The following CA10 variants were observed in gnomAD, a reference collection of about 807,000 sequenced individuals.
CA10 encodes the protein carbonic anhydrase 10 (inactive).
In CA10, 14 loss-of-function variants were observed where a neutral mutation model predicts 44.2. The observed-to-expected ratio is 0.32, with a 90% CI of 0.21 to 0.50. The LOEUF is 0.50. Ranked by LOEUF, CA10 falls within the 20% of genes least tolerant of loss-of-function variation. The probability of loss-of-function intolerance (pLI) is 0.99; values close to 1 mark genes in which losing one functional copy is unlikely to be tolerated. For synonymous variants in CA10, 159 were observed against 141.6 expected (o/e 1.12, Z -0.87); for missense variants, 350 against 409.7 (o/e 0.85, Z 1.26).
Position 51,903,201 on chromosome 17 carries a change from T to C in CA10, c.279+27789A>G, listed in dbSNP as rs112809077. Among the ~76,000 whole-genome samples, 803 of 151,738 alleles carry C rather than the reference T, an allele frequency of 5.3e-3. 10 individuals carry two copies. The highest frequency in any genetic ancestry group is 0.019 in the African/African-American group (775 of 41,366). On this transcript the variant is annotated intron_variant, in intron 3 of 8. Coordinates refer to ENST00000451037, the MANE Select transcript of CA10 (RefSeq NM_020178.5). The stretch of plus-strand genomic sequence containing the variant: ...TAAGAAGCATGTGATCTAGGGTGAG[T>C]TTCTTCTGATTCAAGGGTGAGTTTC...
At chr17:51,656,692 C>T (rs374002419) in intron 4 of CA10, among the ~76,000 whole-genome samples, 2 of 152,206 alleles carry the variant, frequency 1.3e-5, no homozygotes, top group African/African-American at 2.4e-5. Context: ...TCAGCAGCAG[C>T]CACAGCATCT....
At chr17:51,932,036 C>T (rs1030680977) in intron 2 of CA10, among the ~76,000 whole-genome samples, 2 of 152,086 alleles carry the variant, frequency 1.3e-5, no homozygotes, top group African/African-American at 2.4e-5. Context: ...ATTATATGGC[C>T]ATTCATTCAT....
chr17:51,712,220 C>T (rs192913531), intron 4 of CA10, among the ~76,000 whole-genome samples: 18 of 152,158 alleles, frequency 1.2e-4, no homozygotes, highest in Non-Finnish European at 1.9e-4. Context: ...GCCCTTTCTA[C>T]GCATTTCACA....
chr17:51,752,397 T>TTGCCTCTGGC (rs1904921327), intron 3 of CA10, among the ~76,000 whole-genome samples: 2 of 151,984 alleles, frequency 1.3e-5, no homozygotes, highest in Non-Finnish European at 2.9e-5. Flanking sequence ...GATATCCAGG[T>TTGCCTCTGGC]TGCCTCTGGC....
intron 2 of CA10, among the ~76,000 whole-genome samples, chr17:52,060,548 C>T (rs918931597): frequency 6.6e-6 from 1 of 152,062 alleles, no homozygotes; most frequent in African/African-American, 2.4e-5. Context: ...TTCTGTAAAT[C>T]TAAAGTCATC....
Position 51,659,256 on chromosome 17 carries a change from C to T in CA10, c.466-5520G>A, listed in dbSNP as rs200101406. Among the ~76,000 whole-genome samples, 6 of 151,990 alleles carry T rather than the reference C, an allele frequency of 3.9e-5. No homozygotes were observed. In the East Asian group the frequency reaches 9.7e-4, roughly 24 times the overall value. On this transcript the variant is annotated intron_variant, in intron 4 of 8. Transcript: ENST00000451037. Reference sequence around the variant, plus strand: ...AGCTGGGGCATCCCTCTTTCTTTGCCCCTGGACATCAGAGCTCCTGGTTCT... The same window carrying T: ...AGCTGGGGCATCCCTCTTTCTTTGCTCCTGGACATCAGAGCTCCTGGTTCT...
intron 3 of CA10, among the ~76,000 whole-genome samples, chr17:51,779,671 C>T (rs1364632351): frequency 2.0e-5 from 3 of 152,142 alleles, no homozygotes; most frequent in South Asian, 4.1e-4. Flanking sequence ...ACTTCTATGT[C>T]GGGATTCCCA....
At chr17:52,077,811 T>C (rs563267166) in intron 1 of CA10, among the ~76,000 whole-genome samples, 1 of 152,308 alleles carries the variant, frequency 6.6e-6, no homozygotes, top group East Asian at 1.9e-4. Context: ...CTCCACCCGA[T>C]TTCCATTGGG....
At chr17:51,744,416 G>T (rs1415042020) in intron 4 of CA10, among the ~76,000 whole-genome samples, 1 of 151,964 alleles carries the variant, frequency 6.6e-6, no homozygotes, top group Non-Finnish European at 1.5e-5. Flanking sequence ...TCACCTTTAT[G>T]GAGTCACCAA....
At chr17:51,779,946 A>G (rs953678094) in intron 3 of CA10, among the ~76,000 whole-genome samples, 3 of 152,198 alleles carry the variant, frequency 2.0e-5, no homozygotes, top group African/African-American at 4.8e-5. Context: ...TGGCTTTGCC[A>G]TATGTAGTAT....
intron 3 of CA10, among the ~76,000 whole-genome samples, chr17:51,866,477 G>T (rs1011077245): frequency 6.6e-6 from 1 of 152,174 alleles, no homozygotes; most frequent in Admixed American, 6.5e-5. Context: ...CCCAAAAGCA[G>T]ACCATGCTTC....
chr17:51,904,549 C>T lies in CA10; in HGVS notation c.279+26441G>A, dbSNP rs141593400. On this transcript the variant is annotated intron_variant, in intron 3 of 8. Transcript: ENST00000451037. The stretch of plus-strand genomic sequence containing the variant: ...TTTTATATTTGCTAGGGATTTTTCA[C>T]CAGAGTATAGAAAAAAAGTCACGTG... Among the ~76,000 whole-genome samples the T allele has an allele frequency of 8.3e-3, 1,259 of 152,030 alleles. 20 individuals are homozygous for T. Among genetic ancestry groups the T allele is most frequent in the Middle Eastern group, 0.037 (11 of 294 alleles).
At chr17:51,645,250 C>A (rs923599393) in intron 6 of CA10, among the ~76,000 whole-genome samples, 2 of 152,172 alleles carry the variant, frequency 1.3e-5, no homozygotes, top group African/African-American at 4.8e-5. Context: ...TATTCTCAAC[C>A]AAGCAATGAG....
chr17:51,672,775 A>C (rs1372785300), intron 4 of CA10, among the ~76,000 whole-genome samples: 1 of 152,216 alleles, frequency 6.6e-6, no homozygotes, highest in Non-Finnish European at 1.5e-5. Flanking sequence ...TGCCAGGGCT[A>C]TCTGCCCAGG....
At chr17:51,821,647 C>T (rs1322715791) in intron 3 of CA10, among the ~76,000 whole-genome samples, 1 of 152,024 alleles carries the variant, frequency 6.6e-6, no homozygotes, top group East Asian at 1.9e-4. Context: ...CACTCCTCTG[C>T]TCAGAGCTCC....
At chr17:52,030,138 C>A (rs1986421114) in intron 2 of CA10, among the ~76,000 whole-genome samples, 1 of 152,188 alleles carries the variant, frequency 6.6e-6, no homozygotes, top group African/African-American at 2.4e-5. Flanking sequence ...ATCCTGGCTG[C>A]CCCTGATGAT....
At chr17:52,115,433 T>G (rs1988872950) in intron 1 of CA10, among the ~76,000 whole-genome samples, 1 of 152,188 alleles carries the variant, frequency 6.6e-6, no homozygotes. Flanking sequence ...GGAGCCTTCT[T>G]GTTCTCAGAT....
intron 3 of CA10, among the ~76,000 whole-genome samples, chr17:51,840,476 A>C (rs1978310209): frequency 1.0e-5 from 1 of 99,956 alleles, no homozygotes; most frequent in Non-Finnish European, 2.1e-5. Flanking sequence ...CCCAACCTTT[A>C]ATACACACAC....
intron 3 of CA10, among the ~76,000 whole-genome samples, chr17:51,900,112 G>T (rs57664077): frequency 0.097 from 14,660 of 151,704 alleles, 882 homozygotes; most frequent in African/African-American, 0.18. Context: ...ATTGTATAGT[G>T]GCTTTATAGT....
Sources: gnomAD v4.1 joint callset for allele counts (sites outside exome capture counted in the v4.1 genomes callset) on GRCh38, gnomAD v4.1.1 for gene constraint, MANE v1.5 for transcripts, NCBI Gene and HGNC (gene_info 2026-07-23, HGNC 2026-07-21) for gene names.